Variants in ASS1 observed in about 807,000 individuals in gnomAD.
ASS1 encodes the protein argininosuccinate synthase.
In ASS1, 58 loss-of-function variants were observed where a neutral mutation model predicts 60.5. The observed-to-expected ratio is 0.96, with a 90% CI of 0.78 to 1.19. ASS1 has a LOEUF of 1.19. Ranked by LOEUF, ASS1 falls within the 50% of genes most tolerant of loss-of-function variation. ASS1 has a pLI of 0.00. For missense variants in ASS1, 454 were observed against 547.3 expected (o/e 0.83, Z 1.70); for synonymous variants, 200 against 206.9 (o/e 0.97, Z 0.29).
chr9:130,499,610 A>C (rs2118894079), intron 14 of ASS1, 40 bp downstream of exon 14: 1 of 1,584,240 alleles, frequency 6.3e-7, no homozygotes. Flanking sequence ...CAGAGCCTCC[A>C]GGTGTAAAGG....
intron 3 of ASS1, 27 bp downstream of exon 3, chr9:130,454,400 G>C: frequency 6.2e-7 from 1 of 1,609,054 alleles, no homozygotes; most frequent in Non-Finnish European, 8.5e-7. Context: ...AGGGATTTGG[G>C]CTGGGAGTGG....
intron 14 of ASS1, among the ~76,000 whole-genome samples, chr9:130,500,540 C>G (rs1353148533): frequency 2.6e-5 from 4 of 152,068 alleles, no homozygotes; most frequent in Admixed American, 1.3e-4. Context: ...GTCTCTTGTC[C>G]CTGGAGGCAC....
intron 1 of ASS1, among the ~76,000 whole-genome samples, chr9:130,448,907 C>T (rs528899498): frequency 2.6e-5 from 4 of 152,320 alleles, no homozygotes; most frequent in African/African-American, 9.6e-5. Context: ...GCACCCCAGC[C>T]CTCTTTTTGC....
At chr9:130,448,446 T>A (rs1326264935) in intron 1 of ASS1, among the ~76,000 whole-genome samples, 14 of 120,488 alleles carry the variant, frequency 1.2e-4, no homozygotes, top group East Asian at 3.3e-4. Flanking sequence ...ACACACACAC[T>A]GTCTCAGGTA....
chr9:130,482,393 T>C (rs1294419776), intron 11 of ASS1, among the ~76,000 whole-genome samples: 2 of 151,334 alleles, frequency 1.3e-5, no homozygotes, highest in African/African-American at 4.9e-5. Context: ...AGGCATGCCC[T>C]TGCCATGCCT....
chr9:130,448,859 C>T (rs964974033), intron 1 of ASS1, among the ~76,000 whole-genome samples: 1 of 152,154 alleles, frequency 6.6e-6, no homozygotes, highest in Non-Finnish European at 1.5e-5. Context: ...CCACTGTGCT[C>T]GGCCATGAGA....
chr9:130,452,450 C>A, intron 2 of ASS1, 117 bp downstream of exon 2: 1 of 828,964 alleles, frequency 1.2e-6, no homozygotes, highest in South Asian at 1.4e-5. Flanking sequence ...TCATTCAAGC[C>A]TGGCCTCTTC....
intron 11 of ASS1, among the ~76,000 whole-genome samples, chr9:130,487,567 C>T (rs1409548298): frequency 7.6e-6 from 1 of 131,104 alleles, no homozygotes; most frequent in Non-Finnish European, 1.7e-5. Flanking sequence ...AAAGCTGAGA[C>T]TCTGGCCCCA....
At chr9:130,480,312 G>A in intron 10 of ASS1, 73 bp from the exon 11 acceptor site, 2 of 1,557,136 alleles carry the variant, frequency 1.3e-6, no homozygotes, top group Non-Finnish European at 8.9e-7. Flanking sequence ...CCCACCCTGG[G>A]ACAGCCCAGC....
chr9:130,472,995 T>A (rs957937782), intron 8 of ASS1, among the ~76,000 whole-genome samples: 2 of 152,130 alleles, frequency 1.3e-5, no homozygotes, highest in African/African-American at 4.8e-5. Context: ...CCTCGGACCG[T>A]GCAGGAGGGC....
Position 130,491,830 on chromosome 9 carries a change from A to G in ASS1, c.970+2366A>G, listed in dbSNP as rs955910904. On this transcript the variant is annotated intron_variant, in intron 12 of 14. Transcript: ENST00000352480. The surrounding 1 kb of genome is among the most constrained non-coding windows in gnomAD (Gnocchi z 5.3). ...GGCTTCTTCTGGGTAGTTATCACTA[A>G]TATTAACTTTGCCCTGGTCCGCTGA... Among the ~76,000 whole-genome samples, 3 of 152,108 alleles carry G rather than the reference A, an allele frequency of 2.0e-5. No homozygotes were observed. Among genetic ancestry groups the G allele is most frequent in the East Asian group, 3.9e-4 (2 of 5,166 alleles).
At position 130,480,594 on chromosome 9, in the gene ASS1, G is replaced by A. The variant is rs139737396; in HGVS notation, c.838+145G>A. The A allele has an allele frequency of 9.1e-5, 75 of 826,612 alleles. No homozygotes were observed. The African/African-American group carries it at 1.2e-3, about 13-fold the overall frequency. The allele number at this position is 826,612 out of a possible 1,614,324, so 51.2% of individuals were successfully genotyped here. A position where few individuals can be genotyped will look rare whatever the true frequency, so the allele number is the denominator to read the frequency against. On this transcript the variant is annotated intron_variant, in intron 11 of 14. Coordinates refer to ENST00000352480, the MANE Select transcript of ASS1 (RefSeq NM_054012.4). ...TCCTTTCACCACACCCCGTGAGACC[G>A]CAGTTTCCCTCCTGCCAAGTGGGGA...
At chr9:130,483,342 T>C (rs1323597030) in intron 11 of ASS1, among the ~76,000 whole-genome samples, 1 of 147,450 alleles carries the variant, frequency 6.8e-6, no homozygotes, top group Non-Finnish European at 1.5e-5. Context: ...GGGCTGATTT[T>C]TTTCTCTGGG....
At chr9:130,452,154 T>C in intron 1 of ASS1, 70 bp from the exon 2 acceptor site, 1 of 1,352,054 alleles carries the variant, frequency 7.4e-7, no homozygotes, top group Non-Finnish European at 1.0e-6. Context: ...GGGGCTGGGC[T>C]GTCTGCAGGG....
Position 130,478,397 on chromosome 9 carries a change from C to T in ASS1, c.689-1319C>T, listed in dbSNP as rs1282073149. On this transcript the variant is annotated intron_variant, in intron 9 of 14. Coordinates refer to ENST00000352480, the MANE Select transcript of ASS1 (RefSeq NM_054012.4). This position sits in a 1 kb window ranked among gnomAD's most constrained non-coding sequence, Gnocchi z 4.7. Reference sequence around the variant, plus strand: ...AGGCGGGTGGCAGGCTGCGGAGGGTCCTGGGCACCAGGCTCTGGCAGCCCT... The same window carrying T: ...AGGCGGGTGGCAGGCTGCGGAGGGTTCTGGGCACCAGGCTCTGGCAGCCCT... Among the ~76,000 whole-genome samples the T allele has an allele frequency of 3.3e-5, 5 of 152,152 alleles. No individual in the cohort carries two copies. Among genetic ancestry groups the T allele is most frequent in the African/African-American group, 7.2e-5 (3 of 41,526 alleles).
rs907432448 is a variant in ASS1, at chr9:130,459,679, C to G, written c.363+1090C>G. 6.6e-6 allele frequency among the ~76,000 whole-genome samples: 1 copy of G among 152,230 alleles called. No individual in the cohort carries two copies. Among genetic ancestry groups the G allele is most frequent in the African/African-American group, 2.4e-5 (1 of 41,464 alleles). On this transcript the variant is annotated intron_variant, in intron 4 of 14. Transcript: ENST00000352480. This position sits in a 1 kb window ranked among gnomAD's most constrained non-coding sequence, Gnocchi z 4.6. The stretch of plus-strand genomic sequence containing the variant: ...TGAACTCCTGACCTCAAATGATCCA[C>G]CAGCCTTGGCCTCCCAAAGCACTGG...
At chr9:130,445,269 G>A (rs1352280563) in intron 1 of ASS1, 2 of 949,274 alleles carry the variant, frequency 2.1e-6, no homozygotes, top group African/African-American at 1.8e-5. Flanking sequence ...TCCGAAGAGC[G>A]GCTCGGGTTA....
chr9:130,477,102 T>A lies in ASS1; in HGVS notation c.688+141T>A, dbSNP rs1265863367. ...TAGAGTTCAGGCAGGGGCTTCAAGG[T>A]AACGCACAGCCCACCTCCCTGGACA... On this transcript the variant is annotated intron_variant, in intron 9 of 14. Coordinates refer to ENST00000352480, the MANE Select transcript of ASS1 (RefSeq NM_054012.4). The surrounding 1 kb of genome is among the most constrained non-coding windows in gnomAD (Gnocchi z 4.2). 1 of 876,566 alleles carries A rather than the reference T, an allele frequency of 1.1e-6. No homozygotes were observed. The highest frequency in any genetic ancestry group is 1.8e-6 in the Non-Finnish European group (1 of 548,954). 54.3% of individuals were successfully genotyped at this position (876,566 alleles called of 1,614,324 possible).
intron 10 of ASS1, 71 bp downstream of exon 10, chr9:130,479,871 C>G (rs1342249141): frequency 6.7e-7 from 1 of 1,485,704 alleles, no homozygotes. Context: ...TGGACCGTTG[C>G]AGCTAATGGT....
Sources: allele counts gnomAD v4.1 joint callset (sites outside exome capture counted in the v4.1 genomes callset), GRCh38; gene constraint gnomAD v4.1.1; non-coding constraint Gnocchi (gnomAD v3.1); transcripts MANE v1.5; gene names NCBI Gene and HGNC (gene_info 2026-07-23, HGNC 2026-07-21).